The following CCP110 variants were observed in gnomAD, a reference collection of about 807,000 sequenced individuals.
The protein encoded by CCP110 is centriolar coiled-coil protein 110.
In CCP110, 43 loss-of-function variants were observed where a neutral mutation model predicts 105.5. That is an observed-to-expected ratio of 0.41 (90% CI 0.32 to 0.53). CCP110 has a LOEUF of 0.53. Among genes scored for constraint, CCP110 ranks in the 20% least tolerant of loss-of-function variants. The pLI is 0.32. For synonymous variants in CCP110, 353 were observed against 392.1 expected (o/e 0.90, Z 1.18); for missense variants, 1,016 against 1,189.1 (o/e 0.85, Z 2.14).
At chr16:19,526,902 T>G (rs895810264) in intron 1 of CCP110, 2 of 152,214 alleles carry the variant, frequency 1.3e-5, no homozygotes, top group African/African-American at 4.8e-5. Context: ...TCTGTTTCCA[T>G]AGTTCATACC....
In CCP110 at chr16:19,545,215, GT is replaced by G; in HGVS notation, c.2703+7del. The stretch of plus-strand genomic sequence containing the variant: ...GAGAAAATGCTCAGGCAAATGGTAT[GT>G]TATATGATTTCTAATGAATAGAGTT... On this transcript the variant is annotated splice_donor_region_variant and intron_variant, in intron 10 of 14. Transcript: ENST00000381396. The G allele has an allele frequency of 6.7e-7, 1 of 1,494,532 alleles. No homozygotes were observed. The highest frequency in any genetic ancestry group is 9.3e-7 in the Non-Finnish European group (1 of 1,077,940). 92.6% of individuals were successfully genotyped at this position (1,494,532 alleles called of 1,614,324 possible).
intron 4 of CCP110, among the ~76,000 whole-genome samples, chr16:19,539,993 T>C (rs1446188654): frequency 6.6e-6 from 1 of 151,326 alleles, no homozygotes; most frequent in Non-Finnish European, 1.5e-5. Flanking sequence ...ATGTTGGTCA[T>C]GCTGGTCTCG....
intron 11 of CCP110, 84 bp downstream of exon 11, chr16:19,545,974 G>T: frequency 1.3e-6 from 1 of 773,634 alleles, no homozygotes; most frequent in Non-Finnish European, 2.2e-6. Flanking sequence ...TTTAAATTTA[G>T]AAATAAAGAG....
chr16:19,527,356 T>C (rs226888), intron 1 of CCP110, among the ~76,000 whole-genome samples: 147,812 of 150,954 alleles, frequency 0.98, 72,540 homozygotes, highest in African/African-American at 1. Context: ...TAGTGAGACC[T>C]TGTCTCTTTA....
At chr16:19,539,157 T>G (rs905312223) in intron 4 of CCP110, among the ~76,000 whole-genome samples, 1 of 151,726 alleles carries the variant, frequency 6.6e-6, no homozygotes, top group Admixed American at 6.6e-5. Context: ...TAATAAAAAT[T>G]ATTATTTCAG....
exon 4 of CCP110, chr16:19,537,228 G>A: frequency 6.2e-7 from 1 of 1,614,116 alleles, no homozygotes; most frequent in Non-Finnish European, 8.5e-7. Context: ...CCAAACTTTG[G>A]AACTGTGAGT....
chr16:19,525,297 C>T (rs1969631377), intron 1 of CCP110: 1 of 147,988 alleles, frequency 6.8e-6, no homozygotes, highest in Admixed American at 6.8e-5. Flanking sequence ...CAGTGGTTCT[C>T]TGTGGTATAA....
intron 4 of CCP110, among the ~76,000 whole-genome samples, chr16:19,540,378 A>G (rs1970234640): frequency 1.3e-5 from 2 of 152,252 alleles, no homozygotes. Context: ...TAGAGTCAGG[A>G]GAATCTTGTC....
At position 19,524,303 on chromosome 16, in the gene CCP110, G is replaced by C. The variant is rs113007811; in HGVS notation, c.-16+215G>C. Among the ~76,000 whole-genome samples the C allele has an allele frequency of 5.4e-3, 824 of 152,266 alleles. 9 individuals carry two copies. The highest frequency in any genetic ancestry group is 0.018 in the African/African-American group (760 of 41,560). On this transcript the variant is annotated intron_variant, in intron 1 of 14. Coordinates refer to ENST00000381396, the Ensembl canonical transcript of CCP110. The stretch of plus-strand genomic sequence containing the variant: ...GATGCTCCGATGCTGGCCCCGCCTG[G>C]AGGGCCCTCGGTTTGGAGTCTTAAA...
At chr16:19,527,055 G>T (rs1329956954) in intron 1 of CCP110, 1 of 152,012 alleles carries the variant, frequency 6.6e-6, no homozygotes, top group Non-Finnish European at 1.5e-5. Flanking sequence ...ATCCCTCCTG[G>T]TTACCTTGTA....
chr16:19,539,100 A>C (rs1314213131), intron 4 of CCP110, among the ~76,000 whole-genome samples: 5 of 147,528 alleles, frequency 3.4e-5, no homozygotes, highest in Non-Finnish European at 7.4e-5. Flanking sequence ...TGACAGAGCC[A>C]GATTCCATCT....
rs573818114 is a variant in CCP110, at chr16:19,528,123, C to T, written c.141+101C>T. The T allele has an allele frequency of 5.3e-6, 5 of 935,066 alleles. No homozygotes were observed. The South Asian group carries it at 7.8e-5, about 14-fold the overall frequency. The allele number at this position is 935,066 out of a possible 1,614,324, so 57.9% of individuals were successfully genotyped here. A position where few individuals can be genotyped will look rare whatever the true frequency, so the allele number is the denominator to read the frequency against. On this transcript the variant is annotated intron_variant, in intron 2 of 14. Transcript: ENST00000381396. ...GGCTTATAAACATTTGAAGAGATGC[C>T]CTCATTCAGAATTAGAGAAATACAA...
At chr16:19,543,068 A>T in intron 8 of CCP110, 74 bp downstream of exon 8, 2 of 829,354 alleles carry the variant, frequency 2.4e-6, no homozygotes, top group Non-Finnish European at 4.0e-6. Flanking sequence ...CTGAGCTAAC[A>T]GATTAGTTCA....
At chr16:19,537,126 C>A (rs1970096313) in exon 4 of CCP110, 1 of 1,614,160 alleles carries the variant, frequency 6.2e-7, no homozygotes, top group Non-Finnish European at 8.5e-7. Flanking sequence ...CAGTTAACAT[C>A]CGATGAGAGA....
At chr16:19,530,684 A>G (rs1024882625) in intron 2 of CCP110, among the ~76,000 whole-genome samples, 1 of 143,070 alleles carries the variant, frequency 7.0e-6, no homozygotes, top group Non-Finnish European at 1.5e-5. Context: ...CCCTCTCTCA[A>G]AAAAAAAAAA....
chr16:19,553,262 A>G (rs1970698303), exon 15 of CCP110: 1 of 152,244 alleles, frequency 6.6e-6, no homozygotes, highest in East Asian at 1.9e-4. Flanking sequence ...TGTGCTTTTG[A>G]TGGATTTTTA....
Position 19,536,794 on chromosome 16 carries a change from G to A in CCP110, c.1125G>A (p.Met375Ile), listed in dbSNP as rs7190666. 0.15 allele frequency: 242,154 copies of A among 1,613,874 alleles called. 18,844 individuals are homozygous for A. Among genetic ancestry groups the A allele is most frequent in the Middle Eastern group, 0.2 (1,217 of 6,062 alleles). Reference sequence around the variant, plus strand: ...CAGAGCCAAGTATGAGTCCTAAAATGCACCGAAGACGTTCCAGGACATCAT... The same window carrying A: ...CAGAGCCAAGTATGAGTCCTAAAATACACCGAAGACGTTCCAGGACATCAT... The change falls in exon 4 of 15, where the codon ATG becomes ATA. Residue 375 changes from methionine to isoleucine, a missense_variant. Transcript: ENST00000381396.
rs938179451 is a variant in CCP110 at position 19,536,438 on chromosome 16, A to T, written c.769A>T (p.Asn257Tyr). Residue 257 changes from asparagine to tyrosine, a missense_variant, in exon 4 of 15, where the codon AAT (asparagine) becomes TAT (tyrosine). By Grantham distance (143) the Asn-to-Tyr change is moderately radical. Transcript: ENST00000381396. ...GAGAGGTAGTATCAACAGAATTGTT[A>T]ATGAGAGTCATTTAGACAAAGAACA... 1.9e-6 allele frequency: 3 copies of T among 1,613,808 alleles called. No individual in the cohort carries two copies. In the Admixed American group the frequency reaches 5.0e-5, roughly 27 times the overall value.
exon 4 of CCP110, chr16:19,537,327 T>C: frequency 6.2e-7 from 1 of 1,614,210 alleles, no homozygotes; most frequent in East Asian, 2.2e-5. Context: ...CCTTCTCCTT[T>C]ATTGATGCAA....
Sources: gnomAD v4.1 joint callset for allele counts (sites outside exome capture counted in the v4.1 genomes callset) on GRCh38, gnomAD v4.1.1 for gene constraint, MANE v1.5 for transcripts, NCBI Gene and HGNC (gene_info 2026-07-23, HGNC 2026-07-21) for gene names.